KIAA1328: variants seen among roughly 807,000 people sequenced by gnomAD.
KIAA1328 encodes KIAA1328, also known as protein hinderin.
Under a neutral mutation model 68.1 loss-of-function variants are expected in KIAA1328, and 52 were observed. That is an observed-to-expected ratio of 0.76 (90% CI 0.61 to 0.96). KIAA1328 has a LOEUF of 0.96. KIAA1328 is among the 40% of genes least tolerant of loss of function. The pLI is 0.00. For synonymous variants in KIAA1328, 232 were observed against 239.4 expected (o/e 0.97, Z 0.28); for missense variants, 641 against 677.6 (o/e 0.95, Z 0.60).
In KIAA1328 at chr18:37,173,952, C is replaced by T. The variant is rs561141638; in HGVS notation, c.1523+871C>T. On this transcript the variant is annotated intron_variant, in intron 9 of 9. Transcript: ENST00000280020. The stretch of plus-strand genomic sequence containing the variant: ...CAAACCTAGGAAACAGTGTGTTCAT[C>T]GTATTTTGGCTCTTTTTGTCATTCC... Among the ~76,000 whole-genome samples, 15 of 152,262 alleles carry T rather than the reference C, an allele frequency of 9.9e-5. No homozygotes were observed. The South Asian group carries it at 3.1e-3, about 32-fold the overall frequency.
At chr18:37,141,169 G>A (rs1423879383) in intron 7 of KIAA1328, among the ~76,000 whole-genome samples, 3 of 152,250 alleles carry the variant, frequency 2.0e-5, no homozygotes, top group African/African-American at 7.2e-5. Flanking sequence ...GAATATACTT[G>A]TGTATTTAAC....
chr18:37,150,207 A>G (rs1053119499), intron 7 of KIAA1328, among the ~76,000 whole-genome samples: 1 of 152,150 alleles, frequency 6.6e-6, no homozygotes, highest in East Asian at 1.9e-4. Flanking sequence ...AATCTTACAC[A>G]AATTATTTCA....
intron 6 of KIAA1328, among the ~76,000 whole-genome samples, chr18:37,053,487 G>T (rs927092807): frequency 2.0e-5 from 3 of 151,734 alleles, no homozygotes; most frequent in African/African-American, 7.3e-5. Context: ...TATATGAATG[G>T]GACATAATTA....
intron 6 of KIAA1328, among the ~76,000 whole-genome samples, chr18:37,016,627 A>T (rs2054161826): frequency 6.6e-6 from 1 of 152,000 alleles, no homozygotes; most frequent in South Asian, 2.1e-4. Flanking sequence ...GCTTTTTATT[A>T]CTGATTCAAT....
rs11875523 is a variant in KIAA1328, at chr18:36,832,093, A to G, written c.59-2227A>G. ...TATAATGTGTCTGTTTGACTTCCCC[A>G]TAAAATATACATTTGTTGGGAAATT... On this transcript the variant is annotated intron_variant, in intron 1 of 9. Coordinates refer to ENST00000280020, the MANE Select transcript of KIAA1328 (RefSeq NM_020776.3). 4.7e-3 allele frequency among the ~76,000 whole-genome samples: 718 copies of G among 152,282 alleles called. 7 individuals are homozygous for G. Among genetic ancestry groups the G allele is most frequent in the African/African-American group, 0.016 (681 of 41,542 alleles).
At chr18:37,174,084 C>A (rs1453542751) in intron 9 of KIAA1328, among the ~76,000 whole-genome samples, 1 of 152,178 alleles carries the variant, frequency 6.6e-6, no homozygotes, top group African/African-American at 2.4e-5. Context: ...TCTGCCATGT[C>A]CCTAGCACCT....
In KIAA1328 at chr18:37,160,201, T is replaced by G; in HGVS notation, c.1234T>G (p.Leu412Val). The G allele has an allele frequency of 6.2e-7, 1 of 1,610,316 alleles. No individual in the cohort carries two copies. Among genetic ancestry groups the G allele is most frequent in the Non-Finnish European group, 8.5e-7 (1 of 1,178,068 alleles). The part of the protein sequence containing the change: ...LHQSRLDYNC[L>V]LKSNCDGWLL... ...GTTCATTCATCGTTGTTCTTTCAGT[T>G]TATTGAAGTCAAACTGTGATGGCTG... The change falls in exon 8 of 10, where the codon TTA becomes GTA. Residue 412 changes from leucine (L) to valine (V), a missense_variant and splice_region_variant. Physicochemically the swap from Leu to Val is conservative, Grantham distance 32. Coordinates refer to ENST00000280020, the MANE Select transcript of KIAA1328 (RefSeq NM_020776.3).
chr18:37,126,082 G>C (rs73419097), intron 7 of KIAA1328, among the ~76,000 whole-genome samples: 1 of 152,238 alleles, frequency 6.6e-6, no homozygotes, highest in African/African-American at 2.4e-5. Flanking sequence ...TGATGCCTTT[G>C]TTTTCTGATG....
At chr18:36,950,786 G>T (rs1385845219) in intron 5 of KIAA1328, among the ~76,000 whole-genome samples, 3 of 152,162 alleles carry the variant, frequency 2.0e-5, no homozygotes, top group African/African-American at 7.2e-5. Flanking sequence ...TGTGAGTAAT[G>T]GATTGCTTTA....
intron 4 of KIAA1328, among the ~76,000 whole-genome samples, chr18:36,884,864 G>A (rs2048445042): frequency 1.3e-5 from 2 of 152,002 alleles, no homozygotes; most frequent in South Asian, 4.1e-4. Flanking sequence ...TTAAATTTTT[G>A]TTTTTTCTCT....
At chr18:37,228,670 A>T (rs931308108), downstream of KIAA1328, among the ~76,000 whole-genome samples, 1 of 152,064 alleles carries the variant, frequency 6.6e-6, no homozygotes, top group Non-Finnish European at 1.5e-5. Flanking sequence ...AAATATAAAA[A>T]TCAGCTGGGC....
At chr18:36,994,931 A>G (rs1012903916) in intron 6 of KIAA1328, among the ~76,000 whole-genome samples, 16 of 129,526 alleles carry the variant, frequency 1.2e-4, no homozygotes, top group African/African-American at 4.0e-4. Flanking sequence ...TTACCAATTC[A>G]TTCACCCACT....
intron 9 of KIAA1328, among the ~76,000 whole-genome samples, chr18:37,177,809 G>A (rs2059623593): frequency 6.6e-6 from 1 of 151,540 alleles, no homozygotes; most frequent in South Asian, 2.1e-4. Context: ...AATTATTTGG[G>A]GGCTTTTAAA....
intron 6 of KIAA1328, among the ~76,000 whole-genome samples, chr18:37,046,220 A>G (rs1234876750): frequency 6.6e-6 from 1 of 152,228 alleles, no homozygotes; most frequent in East Asian, 1.9e-4. Context: ...AATAATTTCA[A>G]CAGCCATAAA....
At chr18:36,947,166 A>G (rs1010854012) in intron 5 of KIAA1328, among the ~76,000 whole-genome samples, 6 of 152,174 alleles carry the variant, frequency 3.9e-5, no homozygotes, top group Admixed American at 2.6e-4. Flanking sequence ...TCCGTCTCCT[A>G]AAAAAACCAG....
At chr18:37,048,678 C>T (rs1173665968) in intron 6 of KIAA1328, among the ~76,000 whole-genome samples, 4 of 152,064 alleles carry the variant, frequency 2.6e-5, no homozygotes, top group African/African-American at 9.7e-5. Context: ...ACTAAAAAGC[C>T]ATAAAGATCC....
intron 7 of KIAA1328, chr18:37,075,481 A>C (rs892998530): frequency 2.6e-5 from 4 of 152,206 alleles, no homozygotes; most frequent in Admixed American, 6.6e-5. Flanking sequence ...CACACATAAC[A>C]ATATTAACTT....
At chr18:37,181,723 C>T (rs373024086) in intron 9 of KIAA1328, among the ~76,000 whole-genome samples, 6 of 152,158 alleles carry the variant, frequency 3.9e-5, no homozygotes, top group African/African-American at 1.4e-4. Flanking sequence ...CTTATATTTA[C>T]TACTCACTGA....
chr18:36,830,266 G>A (rs116161724), intron 1 of KIAA1328, among the ~76,000 whole-genome samples: 20 of 152,340 alleles, frequency 1.3e-4, no homozygotes, highest in African/African-American at 4.1e-4. Flanking sequence ...CTCGTGTTTA[G>A]TGTTTGCACT....
Sources: allele counts gnomAD v4.1 joint callset (sites outside exome capture counted in the v4.1 genomes callset), GRCh38; gene constraint gnomAD v4.1.1; transcripts MANE v1.5; gene names NCBI Gene and HGNC (gene_info 2026-07-23, HGNC 2026-07-21).